Variants in GAS7 observed in about 807,000 individuals in gnomAD.
GAS7 encodes growth arrest-specific protein 7.
Under a neutral mutation model 71.1 loss-of-function variants are expected in GAS7, and 28 were observed. The ratio of observed to expected loss-of-function variants is 0.39; its 90% CI spans 0.29 to 0.54. GAS7 has a LOEUF of 0.54. Among genes scored for constraint, GAS7 ranks in the 20% least tolerant of loss-of-function variants. GAS7 has a pLI of 0.62. For missense variants in GAS7, 436 were observed against 627.8 expected (o/e 0.69, Z 3.27); for synonymous variants, 258 against 245.8 (o/e 1.05, Z -0.46).
chr17:10,049,535 T>G (rs2073030973), intron 1 of GAS7, among the ~76,000 whole-genome samples: 1 of 152,006 alleles, frequency 6.6e-6, no homozygotes, highest in African/African-American at 2.4e-5. Context: ...CTTTCACCAA[T>G]TTTAAAATTT....
chr17:10,090,691 A>G (rs1314273227), intron 1 of GAS7, among the ~76,000 whole-genome samples: 1 of 152,116 alleles, frequency 6.6e-6, no homozygotes, highest in Non-Finnish European at 1.5e-5. Flanking sequence ...GCATTTCACA[A>G]ATGACATCAA....
At chr17:10,036,282 AC>A in intron 1 of GAS7, 5 of 724,234 alleles carry the variant, frequency 6.9e-6, no homozygotes, top group Non-Finnish European at 1.2e-5. Context: ...GCCCCCTAGC[AC>A]ACAGGGTCCC....
chr17:10,186,402 C>T (rs1387331828), intron 1 of GAS7, among the ~76,000 whole-genome samples: 5 of 128,128 alleles, frequency 3.9e-5, no homozygotes, highest in South Asian at 2.5e-4. Flanking sequence ...TATTCAAAGG[C>T]TTTTTTTTTT....
chr17:10,080,269 CAG>C (rs1479726534), intron 1 of GAS7, among the ~76,000 whole-genome samples: 1 of 152,146 alleles, frequency 6.6e-6, no homozygotes, highest in Non-Finnish European at 1.5e-5. Flanking sequence ...TGACAGTTGA[CAG>C]ATGCCAGGAA....
At chr17:10,009,683 A>C (rs1292798017) in intron 2 of GAS7, among the ~76,000 whole-genome samples, 2 of 151,500 alleles carry the variant, frequency 1.3e-5, no homozygotes, top group African/African-American at 4.8e-5. Context: ...AAAAAAAAAA[A>C]AAAAAACCAA....
intron 1 of GAS7, among the ~76,000 whole-genome samples, chr17:10,197,200 T>C (rs1233625623): frequency 6.6e-6 from 1 of 152,064 alleles, no homozygotes. Flanking sequence ...GCACTGAGCA[T>C]TCTCAGTCAA....
At position 9,984,686 on chromosome 17, in the gene GAS7, T is replaced by C. The variant is rs1432157543; in HGVS notation, c.305-2802A>G. Among the ~76,000 whole-genome samples the C allele has an allele frequency of 5.3e-5, 8 of 152,304 alleles. No homozygotes were observed. The South Asian group carries it at 1.7e-3, about 32-fold the overall frequency. ...AACTCTATATTCTGTTTTTCTCAAC[T>C]ATAAAATGGGGATGAAAATGGTACC... On this transcript the variant is annotated intron_variant, in intron 2 of 13. Transcript: ENST00000432992.
intron 2 of GAS7, among the ~76,000 whole-genome samples, chr17:9,991,546 G>C (rs2070843430): frequency 6.6e-6 from 1 of 152,188 alleles, no homozygotes. Flanking sequence ...CAGAGGGCCT[G>C]TGAAAGAGCA....
At chr17:10,157,089 C>T (rs1352684433) in intron 1 of GAS7, among the ~76,000 whole-genome samples, 2 of 152,208 alleles carry the variant, frequency 1.3e-5, no homozygotes, top group Admixed American at 6.5e-5. Flanking sequence ...CCTGCTCCTC[C>T]CCGGACACAG....
chr17:10,004,203 T>C (rs2071380048), intron 2 of GAS7, among the ~76,000 whole-genome samples: 1 of 152,186 alleles, frequency 6.6e-6, no homozygotes, highest in Admixed American at 6.5e-5. Context: ...CAAGAAGCCA[T>C]TCGCATTGTG....
chr17:10,165,080 C>A (rs372903578), intron 1 of GAS7, among the ~76,000 whole-genome samples: 1 of 149,588 alleles, frequency 6.7e-6, no homozygotes, highest in Non-Finnish European at 1.5e-5. Context: ...GTCAGGAGAT[C>A]GAGATCATCC....
At chr17:9,977,456 A>G (rs1301161153) in intron 3 of GAS7, among the ~76,000 whole-genome samples, 1 of 152,224 alleles carries the variant, frequency 6.6e-6, no homozygotes, top group Admixed American at 6.5e-5. Flanking sequence ...TCTACAAATC[A>G]GTATTTCCAC....
At chr17:9,923,248 CAA>C (rs11413957) in intron 11 of GAS7, among the ~76,000 whole-genome samples, 1 of 135,416 alleles carries the variant, frequency 7.4e-6, no homozygotes, top group African/African-American at 2.8e-5. Flanking sequence ...ACACCTGAAA[CAA>C]AAAAAAAAAG....
chr17:10,005,219 G>GCACGCA, intron 2 of GAS7, among the ~76,000 whole-genome samples: 1 of 126,386 alleles, frequency 7.9e-6, no homozygotes, highest in South Asian at 2.5e-4. Flanking sequence ...ATGTGCGCGT[G>GCACGCA]TGCATGTATG....
At chr17:9,953,784 C>A (rs2069113766) in intron 5 of GAS7, among the ~76,000 whole-genome samples, 1 of 152,234 alleles carries the variant, frequency 6.6e-6, no homozygotes, top group African/African-American at 2.4e-5. Flanking sequence ...TGTTTCTCCT[C>A]CTTGCCAGAC....
At chr17:10,042,286 C>T (rs949613826) in intron 1 of GAS7, among the ~76,000 whole-genome samples, 2 of 126,074 alleles carry the variant, frequency 1.6e-5, no homozygotes, top group African/African-American at 6.6e-5. Flanking sequence ...CAGAGCGAGA[C>T]TCCGTCAAAA....
intron 3 of GAS7, among the ~76,000 whole-genome samples, chr17:9,971,651 C>T (rs1203230516): frequency 2.0e-5 from 3 of 152,066 alleles, no homozygotes; most frequent in Admixed American, 6.5e-5. Flanking sequence ...CACAAGCCTG[C>T]GTGATCTCAG....
chr17:10,000,479 G>A (rs2071226520), intron 2 of GAS7, among the ~76,000 whole-genome samples: 3 of 152,142 alleles, frequency 2.0e-5, no homozygotes, highest in South Asian at 2.1e-4. Context: ...TCCTCCAAAC[G>A]GGTGGTAATG....
intron 1 of GAS7, among the ~76,000 whole-genome samples, chr17:10,149,571 T>C (rs1016184216): frequency 2.0e-5 from 3 of 152,176 alleles, no homozygotes; most frequent in African/African-American, 4.8e-5. Context: ...AGAGTCCTCA[T>C]ACAATCTAGT....
Sources: allele counts gnomAD v4.1 joint callset (sites outside exome capture counted in the v4.1 genomes callset), GRCh38; gene constraint gnomAD v4.1.1; transcripts MANE v1.5; gene names NCBI Gene and HGNC (gene_info 2026-07-23, HGNC 2026-07-21).